LAMA2: variants seen among roughly 807,000 people sequenced by gnomAD.
LAMA2 encodes the protein laminin subunit alpha 2.
LAMA2 carries 269 observed loss-of-function variants against 364.8 expected under a neutral mutation model. That is an observed-to-expected ratio of 0.74 (90% confidence interval 0.67 to 0.82). The LOEUF (loss-of-function observed/expected upper bound fraction) is 0.82, where lower values mean the gene tolerates loss of function less well. Among genes scored for constraint, LAMA2 ranks in the 40% least tolerant of loss-of-function variants. LAMA2 has a pLI of 0.00. For synonymous variants in LAMA2, 1,379 were observed against 1,370.6 expected, an observed-to-expected ratio of 1.01 and a Z score of -0.14; for missense variants, 3,807 against 3,873.2, an observed-to-expected ratio of 0.98 and a Z score of 0.45.
chr6:129,156,107 G>C (rs1388882818), intron 8 of LAMA2, among the ~76,000 whole-genome samples: 1 of 151,368 alleles, frequency 6.6e-6, no homozygotes, highest in South Asian at 2.1e-4. Context: ...CAAAAAAATT[G>C]ATAATTATGT....
At chr6:129,039,001 C>G (rs1786882241) in intron 1 of LAMA2, among the ~76,000 whole-genome samples, 1 of 152,170 alleles carries the variant, frequency 6.6e-6, no homozygotes, top group Non-Finnish European at 1.5e-5. Context: ...ATATTTTTCT[C>G]AAGAAAGATT....
chr6:128,961,349 A>ATATATATATATG (rs1781500862), intron 1 of LAMA2, among the ~76,000 whole-genome samples: 3 of 64,998 alleles, frequency 4.6e-5, no homozygotes, highest in African/African-American at 1.9e-4. Flanking sequence ...ATATATATAT[A>ATATATATATATG]TATATATATA....
intron 51 of LAMA2, among the ~76,000 whole-genome samples, chr6:129,472,880 T>C (rs1783882578): frequency 6.6e-6 from 1 of 152,012 alleles, no homozygotes; most frequent in South Asian, 2.1e-4. Flanking sequence ...TTAGCATTTT[T>C]AACCTTGCTT....
intron 15 of LAMA2, among the ~76,000 whole-genome samples, chr6:129,265,613 C>T (rs945239198): frequency 1.3e-5 from 2 of 150,306 alleles, no homozygotes; most frequent in East Asian, 2.0e-4. Context: ...GAAATGGAAA[C>T]GGAACAGGAT....
At chr6:129,253,000 C>T (rs1324348315) in intron 14 of LAMA2, among the ~76,000 whole-genome samples, 2 of 152,170 alleles carry the variant, frequency 1.3e-5, no homozygotes, top group African/African-American at 2.4e-5. Flanking sequence ...GTACTCATCA[C>T]CTAGAACACT....
At chr6:128,957,213 A>T (rs1582766335) in intron 1 of LAMA2, among the ~76,000 whole-genome samples, 1 of 152,124 alleles carries the variant, frequency 6.6e-6, no homozygotes, top group African/African-American at 2.4e-5. Context: ...TGCTGGTTGT[A>T]TATAAAGGTA....
At chr6:129,317,401 T>C (rs1375042325) in intron 27 of LAMA2, among the ~76,000 whole-genome samples, 1 of 152,188 alleles carries the variant, frequency 6.6e-6, no homozygotes, top group Non-Finnish European at 1.5e-5. Flanking sequence ...ATTTTTCAAA[T>C]GTTTATACTG....
At chr6:129,474,602 GA>G (rs1202420280) in intron 52 of LAMA2, among the ~76,000 whole-genome samples, 4 of 152,032 alleles carry the variant, frequency 2.6e-5, no homozygotes, top group Admixed American at 2.6e-4. Flanking sequence ...TCAAATCTAA[GA>G]TTTGCTTTAC....
chr6:129,226,164 T>G (rs1047769547), intron 12 of LAMA2, among the ~76,000 whole-genome samples: 1 of 152,188 alleles, frequency 6.6e-6, no homozygotes, highest in Admixed American at 6.5e-5. Context: ...AACCCCTGCC[T>G]TTTTTTGTTT....
Position 129,315,987 on chromosome 6 carries a change from C to A in LAMA2, c.3924+37C>A. 3 of 1,613,476 alleles carry A rather than the reference C, an allele frequency of 1.9e-6. No homozygotes were observed. The East Asian group carries it at 6.7e-5, about 36-fold the overall frequency. On this transcript the variant is annotated intron_variant, in intron 26 of 64. Coordinates refer to ENST00000421865, the MANE Select transcript of LAMA2 (RefSeq NM_000426.4). ...CATTGTTTGGTGCAAAGATACCAAT[C>A]AATGGTTTTGCATTCAGTTTTGTCA...
At chr6:129,257,398 A>G (rs1016736636) in intron 14 of LAMA2, among the ~76,000 whole-genome samples, 1 of 152,118 alleles carries the variant, frequency 6.6e-6, no homozygotes, top group Non-Finnish European at 1.5e-5. Context: ...TACACAGATT[A>G]AGGAGAGGAA....
chr6:129,072,900 A>G (rs993413642), intron 3 of LAMA2, among the ~76,000 whole-genome samples: 1 of 152,092 alleles, frequency 6.6e-6, no homozygotes, highest in Non-Finnish European at 1.5e-5. Flanking sequence ...CATCATAAAC[A>G]TGCAGTTTTC....
intron 63 of LAMA2, among the ~76,000 whole-genome samples, chr6:129,513,439 A>G (rs1786765245): frequency 6.6e-6 from 1 of 152,188 alleles, no homozygotes; most frequent in Non-Finnish European, 1.5e-5. Flanking sequence ...TGTCACTATC[A>G]TGTGCGTTTC....
intron 3 of LAMA2, among the ~76,000 whole-genome samples, chr6:129,086,264 T>TA (rs1272477918): frequency 2.6e-5 from 4 of 152,226 alleles, no homozygotes; most frequent in African/African-American, 9.6e-5. Flanking sequence ...ACCCATTAGG[T>TA]ACGTGCAGAG....
At chr6:128,887,106 C>T (rs1249277202) in intron 1 of LAMA2, among the ~76,000 whole-genome samples, 1 of 152,100 alleles carries the variant, frequency 6.6e-6, no homozygotes, top group African/African-American at 2.4e-5. Context: ...ATGTTTGAGA[C>T]AATCCTCACA....
intron 4 of LAMA2, 122 bp from the exon 5 acceptor site, chr6:129,143,779 C>G: frequency 1.4e-6 from 1 of 718,744 alleles, no homozygotes. Flanking sequence ...AGGCATGTAC[C>G]TGAATCTGCG....
At position 129,438,753 on chromosome 6, in the gene LAMA2, A is replaced by C. The variant is rs1050874551; in HGVS notation, c.6076A>C (p.Ile2026Leu). The C allele has an allele frequency of 6.6e-7, 1 of 1,526,400 alleles. No individual in the cohort carries two copies. The highest frequency in any genetic ancestry group is 9.1e-7 in the Non-Finnish European group (1 of 1,100,446). 94.6% of individuals were successfully genotyped at this position (1,526,400 alleles called of 1,614,324 possible). The change falls in exon 42 of 65, where the codon ATT (isoleucine) becomes CTT (leucine). Residue 2026 changes from isoleucine to leucine, a missense_variant. Around this residue, in one of 3 missense-constraint regions of LAMA2, gnomAD observed 3,333 missense variants for 3,345.7 expected, o/e 1.00. Transcript: ENST00000421865. ...LNDTLGKLSA[I>L]PNDTAAKLQA... ...TGACACTTTGGGAAAGTTATCAGCT[A>C]TTCCAAATGGTAAGCATTCAGGACA... is the stretch of plus-strand genomic sequence containing the variant.
At chr6:129,085,327 A>C (rs1163953746) in intron 3 of LAMA2, among the ~76,000 whole-genome samples, 1 of 152,220 alleles carries the variant, frequency 6.6e-6, no homozygotes, top group African/African-American at 2.4e-5. Flanking sequence ...ACATGGCATT[A>C]CAGAAAGTCT....
At chr6:129,065,317 G>T (rs1214746498) in intron 3 of LAMA2, among the ~76,000 whole-genome samples, 2 of 152,116 alleles carry the variant, frequency 1.3e-5, no homozygotes, top group Non-Finnish European at 2.9e-5. Flanking sequence ...ATAGTGAAAA[G>T]CTGAAAGGTT....
Sources: allele counts gnomAD v4.1 joint callset (sites outside exome capture counted in the v4.1 genomes callset), GRCh38; gene constraint gnomAD v4.1.1; regional missense constraint gnomAD v4.1.1; transcripts MANE v1.5; gene names NCBI Gene and HGNC (gene_info 2026-07-23, HGNC 2026-07-21).